The following MRPL30 variants were observed in gnomAD, a reference collection of about 807,000 sequenced individuals.
MRPL30 encodes the protein mitochondrial ribosomal protein L30, also known as large ribosomal subunit protein uL30m.
Under a neutral mutation model 17.2 loss-of-function variants are expected in MRPL30, and 10 were observed. The ratio of observed to expected loss-of-function variants is 0.58; its 90% CI spans 0.36 to 0.99. The LOEUF (loss-of-function observed/expected upper bound fraction) is 0.99, where lower values mean the gene tolerates loss of function less well. Ranked by LOEUF, MRPL30 falls within the 50% of genes least tolerant of loss-of-function variation. The probability of loss-of-function intolerance (pLI) is 0.01; values close to 1 mark genes in which losing one functional copy is unlikely to be tolerated. For synonymous variants in MRPL30, 61 were observed against 62.1 expected, an observed-to-expected ratio of 0.98 and a Z score of 0.08; for missense variants, 170 against 189.8, an observed-to-expected ratio of 0.90 and a Z score of 0.61.
chr2:99,182,314 C>G (rs1239029483), intron 1 of MRPL30, among the ~76,000 whole-genome samples: 1 of 152,120 alleles, frequency 6.6e-6, no homozygotes, highest in African/African-American at 2.4e-5. Context: ...TCAGCACTTT[C>G]GGAGGCCGAG....
intron 3 of MRPL30, among the ~76,000 whole-genome samples, chr2:99,189,397 G>A (rs925193925): frequency 7.2e-5 from 11 of 152,296 alleles, no homozygotes; most frequent in African/African-American, 2.4e-4. Flanking sequence ...CATATGGTAT[G>A]TAGCCCTTTC....
intron 1 of MRPL30, among the ~76,000 whole-genome samples, chr2:99,181,867 C>A (rs559298406): frequency 1.3e-5 from 2 of 152,292 alleles, no homozygotes; most frequent in Admixed American, 1.3e-4. Flanking sequence ...TCTCTGGTAT[C>A]TCTGCAAGAG....
intron 1 of MRPL30, among the ~76,000 whole-genome samples, chr2:99,184,836 C>T (rs2093931426): frequency 6.6e-6 from 1 of 152,220 alleles, no homozygotes; most frequent in African/African-American, 2.4e-5. Context: ...CGTTGATTCT[C>T]ACAGTTCCGT....
intron 1 of MRPL30, among the ~76,000 whole-genome samples, chr2:99,183,140 A>G (rs2093928385): frequency 6.7e-6 from 1 of 149,468 alleles, no homozygotes; most frequent in Non-Finnish European, 1.5e-5. Flanking sequence ...CAAAGGGAGC[A>G]TGCCTGCTTG....
chr2:99,181,202 T>C lies in MRPL30; in HGVS notation c.-75T>C, dbSNP rs2277875. The C allele has an allele frequency of 1.4e-4, 81 of 562,428 alleles. 1 individual carries two copies. The East Asian group carries it at 2.7e-3, about 19-fold the overall frequency. The allele number at this position is 562,428 out of a possible 1,614,324, so 34.8% of individuals were successfully genotyped here. ...GCACTTGGTAGTTCTTCCTCTGCTC[T>C]GCTTCCCTTCGGAGGAAAATTTCAG... On this transcript the variant is annotated 5_prime_UTR_variant, in exon 1 of 6. Transcript: ENST00000338148.
chr2:99,188,304 A>T (rs1282192179), intron 3 of MRPL30, 47 bp downstream of exon 3: 1 of 1,431,664 alleles, frequency 7.0e-7, no homozygotes, highest in African/African-American at 1.4e-5. Context: ...GTTTTAAAAA[A>T]TGTTTTAAGT....
At chr2:99,187,346 A>G (rs753550967) in intron 2 of MRPL30, among the ~76,000 whole-genome samples, 10 of 152,234 alleles carry the variant, frequency 6.6e-5, no homozygotes, top group Non-Finnish European at 1.3e-4. Context: ...AACAAGAGGT[A>G]GGAACTAGGA....
chr2:99,193,135 C>A (rs2093949698), intron 3 of MRPL30, among the ~76,000 whole-genome samples: 1 of 152,004 alleles, frequency 6.6e-6, no homozygotes, highest in South Asian at 2.1e-4. Flanking sequence ...AAGAAAAAAA[C>A]AAACAATCCC....
intron 1 of MRPL30, among the ~76,000 whole-genome samples, chr2:99,183,344 G>A (rs1445940558): frequency 3.3e-5 from 5 of 152,100 alleles, no homozygotes; most frequent in African/African-American, 4.8e-5. Context: ...CCAGGCGGGC[G>A]GATCACCTGA....
chr2:99,181,278 C>T, intron 1 of MRPL30, 29 bp downstream of exon 1: 1 of 347,186 alleles, frequency 2.9e-6, no homozygotes, highest in Non-Finnish European at 5.4e-6. Flanking sequence ...GCGGAGAGTG[C>T]GGCATTCTTC....
At chr2:99,195,362 C>A in intron 5 of MRPL30, 173 bp downstream of exon 5, 1 of 716,430 alleles carries the variant, frequency 1.4e-6, no homozygotes, top group Non-Finnish European at 2.2e-6. Flanking sequence ...TACATAGTGA[C>A]GTTTCAATAT....
At chr2:99,182,416 G>C (rs1223277332) in intron 1 of MRPL30, among the ~76,000 whole-genome samples, 1 of 152,208 alleles carries the variant, frequency 6.6e-6, no homozygotes, top group Admixed American at 6.5e-5. Context: ...TTAGCCGGGC[G>C]TCCGGGCGGG....
chr2:99,192,251 A>C (rs931200561), intron 3 of MRPL30, among the ~76,000 whole-genome samples: 4 of 152,148 alleles, frequency 2.6e-5, no homozygotes, highest in African/African-American at 9.7e-5. Context: ...CTCTCTGTTT[A>C]GTAATATAAT....
chr2:99,194,487 T>A (rs1281221361), intron 3 of MRPL30, among the ~76,000 whole-genome samples: 1 of 152,232 alleles, frequency 6.6e-6, no homozygotes, highest in Non-Finnish European at 1.5e-5. Flanking sequence ...AGTGCCCAGC[T>A]CATAGCAGTG....
At position 99,197,672 on chromosome 2, in the gene MRPL30, ACT is replaced by A. The variant is rs1421234359; in HGVS notation, c.*1970_*1971del. 1 of 152,132 alleles carries A rather than the reference ACT, an allele frequency of 6.6e-6. No homozygotes were observed. The highest frequency in any genetic ancestry group is 1.5e-5 in the Non-Finnish European group (1 of 68,076). 9.4% of individuals were successfully genotyped at this position (152,132 alleles called of 1,614,324 possible). ...TTTTTTTCTTTAGAGACAGGGTCTCACTCTGTCGCCCAGCCTGGAGGGCAGTG... is the reference window on the plus strand; with the variant it reads ...TTTTTTTCTTTAGAGACAGGGTCTCACTGTCGCCCAGCCTGGAGGGCAGTG... On this transcript the variant is annotated 3_prime_UTR_variant, in exon 6 of 6. Transcript: ENST00000338148.
In MRPL30 at chr2:99,195,556, A is replaced by G. The variant is rs1290807417; in HGVS notation, c.354-17A>G. 1.3e-6 allele frequency: 2 copies of G among 1,591,240 alleles called. No homozygotes were observed. Among genetic ancestry groups the G allele is most frequent in the Non-Finnish European group, 1.7e-6 (2 of 1,173,960 alleles). On this transcript the variant is annotated splice_polypyrimidine_tract_variant and intron_variant, in intron 5 of 5. Coordinates refer to ENST00000338148, the MANE Select transcript of MRPL30 (RefSeq NM_145212.4). ...GAACGTATTCCTCCTATCTAAACGC[A>G]TTTTCTTGTGTCACAGAATCAAGCC... is the stretch of plus-strand genomic sequence containing the variant.
chr2:99,191,206 C>T (rs2093945039), intron 3 of MRPL30, among the ~76,000 whole-genome samples: 1 of 152,048 alleles, frequency 6.6e-6, no homozygotes, highest in Non-Finnish European at 1.5e-5. Context: ...AGGGTTTCAC[C>T]ATGCTGGCCA....
chr2:99,186,026 A>G, intron 1 of MRPL30, 151 bp from the exon 2 acceptor site: 2 of 574,280 alleles, frequency 3.5e-6, no homozygotes, highest in Admixed American at 6.1e-5. Flanking sequence ...TTTATAAATT[A>G]ATTCGTGCCC....
intron 1 of MRPL30, among the ~76,000 whole-genome samples, chr2:99,184,776 A>G (rs1486834381): frequency 6.6e-6 from 1 of 152,218 alleles, no homozygotes; most frequent in East Asian, 1.9e-4. Flanking sequence ...AGATAGGTTC[A>G]GTTGCTGAGG....
Sources: gnomAD v4.1 joint callset for allele counts (sites outside exome capture counted in the v4.1 genomes callset) on GRCh38, gnomAD v4.1.1 for gene constraint, MANE v1.5 for transcripts, NCBI Gene and HGNC (gene_info 2026-07-23, HGNC 2026-07-21) for gene names.